Variants in C18orf63 observed in about 807,000 individuals in gnomAD.
The protein encoded by C18orf63 is uncharacterized protein C18orf63.
In C18orf63, 50 loss-of-function variants were observed where a neutral mutation model predicts 75.3. The observed-to-expected ratio is 0.66, with a 90% CI of 0.53 to 0.84. The LOEUF (loss-of-function observed/expected upper bound fraction) is 0.84, where lower values mean the gene tolerates loss of function less well. C18orf63 is among the 40% of genes least tolerant of loss of function. The pLI is 0.00. For missense variants in C18orf63, 732 were observed against 800.2 expected, an observed-to-expected ratio of 0.91 and a Z score of 1.03; for synonymous variants, 232 against 267.6, an observed-to-expected ratio of 0.87 and a Z score of 1.30.
chr18:74,333,541 A>AAAAGTG (rs1984343288), intron 7 of C18orf63, among the ~76,000 whole-genome samples: 1 of 152,190 alleles, frequency 6.6e-6, no homozygotes, highest in African/African-American at 2.4e-5. Context: ...GGCAGGAGAG[A>AAAAGTG]AAAGTGCAGA....
intron 7 of C18orf63, among the ~76,000 whole-genome samples, chr18:74,332,194 C>T (rs1350196282): frequency 1.3e-5 from 2 of 152,152 alleles, no homozygotes; most frequent in Non-Finnish European, 2.9e-5. Context: ...TGAGGACCTT[C>T]TTGCTTTCAG....
In C18orf63 at chr18:74,316,024, C is replaced by T. The variant is rs1295679944; in HGVS notation, c.-118C>T. On this transcript the variant is annotated 5_prime_UTR_variant, in exon 1 of 14. Coordinates refer to ENST00000579455, the MANE Select transcript of C18orf63 (RefSeq NM_001174123.2). ...AGACTGCTGGAGGCCCTGCCGCCCA[C>T]CCGCCCTTTCCTCCCCCTGAGGAGA... is the stretch of plus-strand genomic sequence containing the variant. The T allele has an allele frequency of 1.3e-5, 2 of 152,360 alleles. No homozygotes were observed. The highest frequency in any genetic ancestry group is 2.9e-5 in the Non-Finnish European group (2 of 68,214). 9.4% of individuals were successfully genotyped at this position (152,360 alleles called of 1,614,324 possible).
chr18:74,349,100 T>G (rs767000797), intron 11 of C18orf63, among the ~76,000 whole-genome samples: 1 of 152,218 alleles, frequency 6.6e-6, no homozygotes, highest in South Asian at 2.1e-4. Context: ...GTAGTAGATA[T>G]GTTGTTTAAA....
At chr18:74,321,144 G>A (rs1984113636) in intron 3 of C18orf63, among the ~76,000 whole-genome samples, 1 of 152,038 alleles carries the variant, frequency 6.6e-6, no homozygotes, top group Non-Finnish European at 1.5e-5. Context: ...AATCTTCCTG[G>A]AAATTCTGTT....
At chr18:74,317,804 A>G in intron 1 of C18orf63, 30 bp from the exon 2 acceptor site, 1 of 1,355,450 alleles carries the variant, frequency 7.4e-7, no homozygotes, top group South Asian at 1.5e-5. Flanking sequence ...AAGATAATTT[A>G]CTACCTTTTT....
chr18:74,325,582 T>C (rs562930144), intron 4 of C18orf63, among the ~76,000 whole-genome samples: 34 of 152,362 alleles, frequency 2.2e-4, no homozygotes, highest in South Asian at 2.1e-4. Context: ...TTCTCACTTA[T>C]GTTCTGTTCA....
At chr18:74,355,160 A>G (rs1374037524) in intron 13 of C18orf63, among the ~76,000 whole-genome samples, 2 of 152,260 alleles carry the variant, frequency 1.3e-5, no homozygotes, top group Admixed American at 6.5e-5. Context: ...AATACTTTCA[A>G]TTCAGATTCT....
intron 10 of C18orf63, 34 bp from the exon 11 acceptor site, chr18:74,343,485 A>G (rs1984521744): frequency 7.1e-6 from 10 of 1,408,414 alleles, no homozygotes; most frequent in Non-Finnish European, 9.4e-6. Flanking sequence ...CTCTTATGTA[A>G]TAAAATCAGA....
chr18:74,322,664 A>G (rs1469209954), intron 3 of C18orf63, 34 bp from the exon 4 acceptor site: 2 of 773,982 alleles, frequency 2.6e-6, no homozygotes, highest in African/African-American at 3.5e-5. Flanking sequence ...TATATATGTT[A>G]AGTCCTTTTT....
intron 8 of C18orf63, among the ~76,000 whole-genome samples, chr18:74,341,270 CAAAAAAAAAAAAAAA>C (rs58362707): frequency 2.7e-4 from 16 of 59,004 alleles, no homozygotes; most frequent in East Asian, 1.8e-3. Flanking sequence ...GACTCCGTCT[CAAAAAAAAAAAAAAA>C]AAAAAAAAAA....
intron 11 of C18orf63, among the ~76,000 whole-genome samples, chr18:74,351,332 C>T (rs1320052945): frequency 6.6e-6 from 1 of 152,196 alleles, no homozygotes; most frequent in African/African-American, 2.4e-5. Flanking sequence ...CAATACTCCT[C>T]CCATTGAGGT....
At chr18:74,342,387 TC>T in intron 10 of C18orf63, 61 bp downstream of exon 10, 1 of 988,158 alleles carries the variant, frequency 1.0e-6, no homozygotes, top group African/African-American at 1.6e-5. Flanking sequence ...CTAGTTTTGC[TC>T]CCACTCTCAT....
chr18:74,353,031 T>C (rs1041093405), intron 11 of C18orf63, among the ~76,000 whole-genome samples: 4 of 152,158 alleles, frequency 2.6e-5, no homozygotes, highest in Admixed American at 1.3e-4. Context: ...TATCTTAAGA[T>C]AGTATCTTGG....
At chr18:74,352,797 T>G (rs573280460) in intron 11 of C18orf63, among the ~76,000 whole-genome samples, 1 of 152,316 alleles carries the variant, frequency 6.6e-6, no homozygotes, top group South Asian at 2.1e-4. Context: ...AATATTTTTT[T>G]GTGACAAATA....
At position 74,327,931 on chromosome 18, in the gene C18orf63, C is replaced by T; in HGVS notation, c.271-16C>T. On this transcript the variant is annotated splice_polypyrimidine_tract_variant and intron_variant, in intron 4 of 13. Coordinates refer to ENST00000579455, the MANE Select transcript of C18orf63 (RefSeq NM_001174123.2). ...TGTTCTAAATTGGCCCATATTTTGC[C>T]ATTTAATATTTTTAGATGGAGGCTC... 6.8e-7 allele frequency: 1 copy of T among 1,470,860 alleles called. No individual in the cohort carries two copies. The highest frequency in any genetic ancestry group is 9.2e-7 in the Non-Finnish European group (1 of 1,087,564). The allele number at this position is 1,470,860 out of a possible 1,614,324, so 91.1% of individuals were successfully genotyped here.
intron 3 of C18orf63, among the ~76,000 whole-genome samples, chr18:74,322,367 C>T (rs1984138699): frequency 6.6e-6 from 1 of 152,082 alleles, no homozygotes; most frequent in African/African-American, 2.4e-5. Flanking sequence ...ACATGATCTT[C>T]CGTTTATGTC....
In C18orf63 at chr18:74,353,814, C is replaced by G; in HGVS notation, c.1547C>G (p.Thr516Arg). 1 of 1,535,762 alleles carries G rather than the reference C, an allele frequency of 6.5e-7. No individual in the cohort carries two copies. The highest frequency in any genetic ancestry group is 8.7e-7 in the Non-Finnish European group (1 of 1,146,676). ...TCCAGACCTCTGCAAGAAAAAAATA[C>G]AGAGTCTTCTGAAAATATGACAAAA... The part of the protein sequence containing the change: ...ENSRPLQEKN[T>R]ESSENMTKFP... Residue 516 changes from threonine (T) to arginine (R), a missense_variant, in exon 12 of 14, where the codon ACA becomes AGA. By Grantham distance (71) the Thr-to-Arg change is moderately conservative. Around this residue, in one of 3 missense-constraint regions of C18orf63, gnomAD observed 495 missense variants for 508.7 expected, o/e 0.97. Transcript: ENST00000579455.
Position 74,330,901 on chromosome 18 carries a change from C to G in C18orf63, c.460C>G (p.Leu154Val). 1 of 1,479,238 alleles carries G rather than the reference C, an allele frequency of 6.8e-7. No individual in the cohort carries two copies. Among genetic ancestry groups the G allele is most frequent in the Non-Finnish European group, 9.0e-7 (1 of 1,109,912 alleles). 91.6% of individuals were successfully genotyped at this position (1,479,238 alleles called of 1,614,324 possible). A position where few individuals can be genotyped will look rare whatever the true frequency, so the allele number is the denominator to read the frequency against. ...CAATGTAACAGAAACTCAAGTTTGT[C>G]TAAGTATAGAAGCTTGCACAATCAG... is the stretch of plus-strand genomic sequence containing the variant. ...NINVTETQVC[L>V]SIEACTIRLP... The change falls in exon 7 of 14, where the codon CTA becomes GTA. Residue 154 changes from leucine to valine, a missense_variant. This residue lies in a region of C18orf63 where 233 missense variants were observed against 272.7 expected (regional missense o/e 0.85). Coordinates refer to ENST00000579455, the MANE Select transcript of C18orf63 (RefSeq NM_001174123.2).
chr18:74,355,686 G>T (rs1984752929), intron 13 of C18orf63, among the ~76,000 whole-genome samples: 1 of 152,122 alleles, frequency 6.6e-6, no homozygotes, highest in Non-Finnish European at 1.5e-5. Context: ...TTGGGAGGCT[G>T]AGGCAGGTGG....
Sources: allele counts gnomAD v4.1 joint callset (sites outside exome capture counted in the v4.1 genomes callset), GRCh38; gene constraint gnomAD v4.1.1; regional missense constraint gnomAD v4.1.1; transcripts MANE v1.5; gene names NCBI Gene and HGNC (gene_info 2026-07-23, HGNC 2026-07-21).